The following KIF23 variants were observed in gnomAD, a reference collection of about 807,000 sequenced individuals.
The protein encoded by KIF23 is kinesin family member 23.
A neutral mutation model predicts 137.5 loss-of-function variants in KIF23; 30 were observed. The observed-to-expected ratio is 0.22, with a 90% CI of 0.16 to 0.30. The LOEUF is 0.30. Ranked by LOEUF, KIF23 falls within the 10% of genes least tolerant of loss-of-function variation. The probability of loss-of-function intolerance (pLI) is 1.00; values close to 1 mark genes in which losing one functional copy is unlikely to be tolerated. For missense variants in KIF23, 920 were observed against 1,194.3 expected, an observed-to-expected ratio of 0.77 and a Z score of 3.38; for synonymous variants, 367 against 391.1, an observed-to-expected ratio of 0.94 and a Z score of 0.73.
chr15:69,424,533 A>C lies in KIF23; in HGVS notation c.735-749A>C, dbSNP rs73426078. 6.4e-3 allele frequency among the ~76,000 whole-genome samples: 967 copies of C among 152,196 alleles called. 7 individuals are homozygous for C. The highest frequency in any genetic ancestry group is 0.022 in the African/African-American group (909 of 41,526). ...AAACCTTGTGAGACAGTTACTTTTT[A>C]TTTATTTTTGAGACAGGGTCTTGCT... On this transcript the variant is annotated intron_variant, in intron 7 of 23. Coordinates refer to ENST00000679126, the MANE Select transcript of KIF23 (RefSeq NM_001367805.3).
At chr15:69,440,632 CAA>C (rs1317327427) in intron 18 of KIF23, 134 bp from the exon 19 acceptor site, 6 of 1,115,538 alleles carry the variant, frequency 5.4e-6, no homozygotes, top group Non-Finnish European at 7.4e-6. Flanking sequence ...AGAATAAACA[CAA>C]ATTTAGCACA....
intron 15 of KIF23, among the ~76,000 whole-genome samples, chr15:69,437,941 T>C (rs2057522556): frequency 6.6e-6 from 1 of 152,186 alleles, no homozygotes; most frequent in African/African-American, 2.4e-5. Context: ...CAAATAGTAG[T>C]GTTGTTTCTA....
chr15:69,440,643 CA>C (rs899233947), intron 18 of KIF23, 124 bp from the exon 19 acceptor site: 114 of 1,128,158 alleles, frequency 1.0e-4, no homozygotes, highest in Admixed American at 1.2e-4. Flanking sequence ...AAATTTAGCA[CA>C]AAAAAATAGA....
At position 69,444,987 on chromosome 15, in the gene KIF23, G is replaced by C. The variant is rs1038737621; in HGVS notation, c.2619G>C (p.Met873Ile). Residue 873 changes from methionine to isoleucine, a missense_variant, in exon 20 of 24, where the codon ATG (methionine) becomes ATC (isoleucine). Physicochemically the swap from Met to Ile is conservative, Grantham distance 10. Transcript: ENST00000679126. The surrounding 1 kb of genome is among the most constrained non-coding windows in gnomAD (Gnocchi z 4.2). Reference protein sequence around the residue: ...EKALAKCEKYMLTHQELASDG... With the variant: ...EKALAKCEKYILTHQELASDG... ...CACTAGCTAAGTGTGAGAAGTACAT[G>C]CTGACCCACCAGGAACTAGCCTCCG... 4.3e-6 allele frequency: 7 copies of C among 1,614,154 alleles called. No homozygotes were observed. The highest frequency in any genetic ancestry group is 5.1e-6 in the Non-Finnish European group (6 of 1,180,036).
intron 3 of KIF23, among the ~76,000 whole-genome samples, chr15:69,419,097 A>G (rs1409417259): frequency 2.0e-5 from 3 of 152,344 alleles, no homozygotes; most frequent in African/African-American, 7.2e-5. Context: ...AGCTTGGGCA[A>G]CAAGAGTGAA....
chr15:69,424,424 G>T (rs1214352953), intron 7 of KIF23, among the ~76,000 whole-genome samples: 1 of 152,212 alleles, frequency 6.6e-6, no homozygotes, highest in Admixed American at 6.5e-5. Context: ...TATTTCTGGA[G>T]TGACCTATCT....
At chr15:69,438,538 A>G in intron 16 of KIF23, 133 bp downstream of exon 16, 1 of 716,456 alleles carries the variant, frequency 1.4e-6, no homozygotes, top group Non-Finnish European at 2.1e-6. Flanking sequence ...TGGCTCATGC[A>G]GGTAATTCCA....
intron 11 of KIF23, 99 bp downstream of exon 11, chr15:69,429,312 T>C (rs1462303871): frequency 3.7e-6 from 3 of 807,182 alleles, no homozygotes; most frequent in Non-Finnish European, 6.0e-6. Flanking sequence ...TGTTTTTTAA[T>C]TTTTATTTTA....
At chr15:69,420,505 A>T (rs958702531) in intron 3 of KIF23, among the ~76,000 whole-genome samples, 1 of 152,136 alleles carries the variant, frequency 6.6e-6, no homozygotes, top group Non-Finnish European at 1.5e-5. Flanking sequence ...ATATTTTATT[A>T]ATTGTATTTA....
intron 10 of KIF23, among the ~76,000 whole-genome samples, chr15:69,428,126 G>A (rs1363287221): frequency 1.3e-5 from 2 of 152,050 alleles, no homozygotes; most frequent in African/African-American, 2.4e-5. Context: ...GCATAGTGGC[G>A]CATGCCTGTA....
chr15:69,428,533 G>A (rs1462330569), intron 10 of KIF23, among the ~76,000 whole-genome samples: 1 of 151,228 alleles, frequency 6.6e-6, no homozygotes, highest in East Asian at 2.0e-4. Flanking sequence ...GGTGGCACAC[G>A]CCTGTAATCC....
At position 69,440,275 on chromosome 15, in the gene KIF23, A is replaced by G. The variant is rs754384909; in HGVS notation, c.1930-33A>G. On this transcript the variant is annotated intron_variant, in intron 17 of 23. Transcript: ENST00000679126. ...TGGTGTACTCGTTTGCTGTGATGGAATGATAATATACATTGCCACTGATAA... is the reference window on the plus strand; with the variant it reads ...TGGTGTACTCGTTTGCTGTGATGGAGTGATAATATACATTGCCACTGATAA... The G allele has an allele frequency of 2.1e-5, 33 of 1,586,670 alleles. No homozygotes were observed. The East Asian group carries it at 6.5e-4, about 31-fold the overall frequency.
chr15:69,421,729 A>T lies in KIF23; in HGVS notation c.293A>T (p.Asn98Ile). 1 of 1,613,210 alleles carries T rather than the reference A, an allele frequency of 6.2e-7. No homozygotes were observed. Among genetic ancestry groups the T allele is most frequent in the Non-Finnish European group, 8.5e-7 (1 of 1,179,260 alleles). ...LFDVVANPLV[N>I]DLIHGKNGLL... The stretch of plus-strand genomic sequence containing the variant: ...GATGTTGTGGCTAATCCCTTGGTCA[A>T]TGACCTCATTCATGGCAAAAATGGT... The change falls in exon 4 of 24, where the codon AAT becomes ATT. Residue 98 changes from asparagine to isoleucine, a missense_variant. By Grantham distance (149) the Asn-to-Ile change is moderately radical (BLOSUM62 -3). Around this residue, in one of 4 missense-constraint regions of KIF23, gnomAD observed 124 missense variants for 122.0 expected, o/e 1.02. Coordinates refer to ENST00000679126, the MANE Select transcript of KIF23 (RefSeq NM_001367805.3).
chr15:69,418,900 T>C (rs575059918), intron 3 of KIF23, among the ~76,000 whole-genome samples: 9 of 152,272 alleles, frequency 5.9e-5, no homozygotes, highest in Admixed American at 3.3e-4. Flanking sequence ...GTGGATCACC[T>C]GAGGTCAGGA....
At position 69,444,681 on chromosome 15, in the gene KIF23, T is replaced by G; in HGVS notation, c.2422-109T>G. On this transcript the variant is annotated intron_variant, in intron 19 of 23. Coordinates refer to ENST00000679126, the MANE Select transcript of KIF23 (RefSeq NM_001367805.3). This position sits in a 1 kb window ranked among gnomAD's most constrained non-coding sequence, Gnocchi z 4.2. ...ATGTTTAAATTACTTGAATAAAATATTTAGCTTTGGAAAGGTTTGCTATGA... is the reference window on the plus strand; with the variant it reads ...ATGTTTAAATTACTTGAATAAAATAGTTAGCTTTGGAAAGGTTTGCTATGA... The G allele has an allele frequency of 9.2e-7, 1 of 1,086,294 alleles. No homozygotes were observed. The highest frequency in any genetic ancestry group is 2.3e-4 in the Middle Eastern group (1 of 4,338). 67.3% of individuals were successfully genotyped at this position (1,086,294 alleles called of 1,614,324 possible).
rs1333610321 is a variant in KIF23 at position 69,440,349 on chromosome 15, A to T, written c.1971A>T (p.Lys657Asn). Residue 657 changes from lysine to asparagine, a missense_variant, in exon 18 of 24, where the codon AAA (lysine) becomes AAT (asparagine). Transcript: ENST00000679126. ...VAAKQLEMQN[K>N]LWVKDEKLKQ... ...CCAAACAGCTGGAGATGCAGAATAA[A>T]CTCTGGGTTAAAGATGAAAAGCTGA... 6.2e-7 allele frequency: 1 copy of T among 1,613,828 alleles called. No individual in the cohort carries two copies. Among genetic ancestry groups the T allele is most frequent in the East Asian group, 2.2e-5 (1 of 44,856 alleles).
rs1008780405 is a variant in KIF23 at position 69,440,655 on chromosome 15, A to T, written c.2110-113A>T. 8 of 1,133,944 alleles carry T rather than the reference A, an allele frequency of 7.1e-6. No individual in the cohort carries two copies. In the African/African-American group the frequency reaches 7.9e-5, roughly 11 times the overall value. The allele number at this position is 1,133,944 out of a possible 1,614,324, so 70.2% of individuals were successfully genotyped here. A position where few individuals can be genotyped will look rare whatever the true frequency, so the allele number is the denominator to read the frequency against. On this transcript the variant is annotated intron_variant, in intron 18 of 23. Transcript: ENST00000679126. ...CACAAATTTAGCACAAAAAAATAGA[A>T]CAAATAATTATTTGTAATGTTAAGT...
rs1209559502 is a variant in KIF23 at position 69,436,705 on chromosome 15, A to T, written c.1580A>T (p.Asp527Val). 6.3e-7 allele frequency: 1 copy of T among 1,586,038 alleles called. No homozygotes were observed. Among genetic ancestry groups the T allele is most frequent in the Non-Finnish European group, 8.6e-7 (1 of 1,164,162 alleles). Residue 527 changes from aspartate (D) to valine (V), a missense_variant, in exon 15 of 24, where the codon GAT (aspartate) becomes GTT (valine). Transcript: ENST00000679126. ...KRHNLRQMMI[D>V]EFNKQSNAFK... ...CATAACTTACGACAAATGATGATTG[A>T]TGAGTTTAACAAACAATGTAAGGGC...
chr15:69,445,970 G>T (rs761362184), intron 20 of KIF23, 39 bp from the exon 21 acceptor site: 2 of 1,373,554 alleles, frequency 1.5e-6, no homozygotes, highest in Admixed American at 1.8e-5. Flanking sequence ...TCGTTTGGGT[G>T]TATCAATGTG....
Sources: allele counts gnomAD v4.1 joint callset (sites outside exome capture counted in the v4.1 genomes callset), GRCh38; gene constraint gnomAD v4.1.1; regional missense constraint gnomAD v4.1.1; non-coding constraint Gnocchi (gnomAD v3.1); transcripts MANE v1.5; gene names NCBI Gene and HGNC (gene_info 2026-07-23, HGNC 2026-07-21).